CACNA1C: variants seen among roughly 807,000 people sequenced by gnomAD.
The protein encoded by CACNA1C is voltage-dependent L-type calcium channel subunit alpha-1C.
A neutral mutation model predicts 229.0 loss-of-function variants in CACNA1C; 30 were observed. That is an observed-to-expected ratio of 0.13 (90% CI 0.10 to 0.18). The LOEUF (loss-of-function observed/expected upper bound fraction) is 0.18. Among genes scored for constraint, CACNA1C ranks in the 10% least tolerant of loss-of-function variants. The pLI is 1.00. For missense variants in CACNA1C, 1,658 were observed against 2,845.0 expected (o/e 0.58, Z 9.49); for synonymous variants, 1,114 against 1,132.5 (o/e 0.98, Z 0.33).
chr12:2,305,231 C>T (rs1032697076), intron 3 of CACNA1C, among the ~76,000 whole-genome samples: 3 of 152,228 alleles, frequency 2.0e-5, no homozygotes, highest in Non-Finnish European at 4.4e-5. Context: ...GGTCTAGGAA[C>T]ATAGAATTTA....
intron 3 of CACNA1C, among the ~76,000 whole-genome samples, chr12:2,307,544 G>A (rs1010902333): frequency 6.6e-6 from 1 of 152,108 alleles, no homozygotes; most frequent in African/African-American, 2.4e-5. Context: ...TTTAACTATG[G>A]TTCTTAAATG....
rs149506879 is a variant in CACNA1C, at chr12:2,077,128, T to C, written c.49+23517T>C. On this transcript the variant is annotated intron_variant, in intron 1 of 46. Coordinates refer to ENST00000399655, the MANE Select transcript of CACNA1C (RefSeq NM_000719.7). ...GGAAATTTAATTTAGGTACAGCTAA[T>C]AGCTGCATGTGTGAGTATGTGTGTG... is the stretch of plus-strand genomic sequence containing the variant. 5.9e-5 allele frequency among the ~76,000 whole-genome samples: 9 copies of C among 152,400 alleles called. No homozygotes were observed. In the East Asian group the frequency reaches 1.7e-3, roughly 29 times the overall value.
chr12:2,196,763 C>T (rs2097417359), intron 3 of CACNA1C, among the ~76,000 whole-genome samples: 1 of 152,170 alleles, frequency 6.6e-6, no homozygotes. Flanking sequence ...AGCAAGAGGT[C>T]ACTGGGTGTC....
intron 3 of CACNA1C, among the ~76,000 whole-genome samples, chr12:2,249,234 C>A (rs190484450): frequency 1.3e-5 from 2 of 152,168 alleles, no homozygotes; most frequent in Admixed American, 1.3e-4. Flanking sequence ...GTATACTTCA[C>A]TGGGTCATGG....
chr12:2,186,537 A>G (rs934583105), intron 3 of CACNA1C, among the ~76,000 whole-genome samples: 3 of 151,826 alleles, frequency 2.0e-5, no homozygotes, highest in East Asian at 1.9e-4. Flanking sequence ...GAGACTAAAA[A>G]CCCTGGGGGT....
intron 5 of CACNA1C, among the ~76,000 whole-genome samples, chr12:2,485,070 G>A (rs1158911849): frequency 6.6e-6 from 1 of 152,114 alleles, no homozygotes; most frequent in Non-Finnish European, 1.5e-5. Context: ...AAGCGCGGTG[G>A]ATGAATGTGA....
chr12:2,208,456 C>A (rs2097822334), intron 3 of CACNA1C, among the ~76,000 whole-genome samples: 1 of 152,186 alleles, frequency 6.6e-6, no homozygotes, highest in African/African-American at 2.4e-5. Context: ...ATGTTATTAA[C>A]ACCTGGCACT....
At chr12:2,409,668 G>A (rs532644537) in intron 3 of CACNA1C, among the ~76,000 whole-genome samples, 2 of 152,280 alleles carry the variant, frequency 1.3e-5, no homozygotes, top group South Asian at 2.1e-4. Context: ...CCTTGATTGC[G>A]GGTCCTCTTT....
At chr12:2,120,574 GT>G in intron 3 of CACNA1C, 144 bp downstream of exon 3, 1 of 675,222 alleles carries the variant, frequency 1.5e-6, no homozygotes, top group South Asian at 1.7e-5. Context: ...CCCGAGTGCT[GT>G]TTTACTCTTT....
At chr12:2,587,622 G>A (rs546205991) in intron 18 of CACNA1C, among the ~76,000 whole-genome samples, 4 of 152,278 alleles carry the variant, frequency 2.6e-5, no homozygotes, top group Non-Finnish European at 4.4e-5. Flanking sequence ...AAGGGCTAAT[G>A]AGGATTTTGT....
intron 11 of CACNA1C, among the ~76,000 whole-genome samples, chr12:2,564,942 C>T (rs901250483): frequency 1.8e-4 from 28 of 152,252 alleles, no homozygotes; most frequent in African/African-American, 6.7e-4. Context: ...ATGGCCCCTG[C>T]AGTCTCCTCC....
At position 2,012,681 on chromosome 12, in the gene CACNA1C, GA is replaced by G. The variant is rs539752935; in HGVS notation, c.139+41486del. 2.4e-4 allele frequency among the ~76,000 whole-genome samples: 36 copies of G among 152,310 alleles called. No homozygotes were observed. The South Asian group carries it at 6.8e-3, about 29-fold the overall frequency. ...TGAGGAGACAAAGACTAGCATACAT[GA>G]AAAAATGTGAACAGTAAAATACAGT... On this transcript the variant is annotated intron_variant, in intron 1 of 46. Coordinates refer to the CACNA1C transcript ENST00000682462.
intron 1 of CACNA1C, among the ~76,000 whole-genome samples, chr12:2,061,545 G>A (rs971180976): frequency 2.3e-5 from 1 of 44,044 alleles, no homozygotes; most frequent in Non-Finnish European, 3.6e-5. Flanking sequence ...CATGTGCACT[G>A]CTGGCACTGC....
At position 2,593,254 on chromosome 12, in the gene CACNA1C, C is replaced by G; in HGVS notation, c.2572C>G (p.Arg858Gly). ...EEEPEMPVGP[R>G]PRPLSELHLK... ...GGAGCCAGAGATGCCTGTCGGCCCT[C>G]GCCCACGACCACTCTCTGAGCTTCA... The change falls in exon 19 of 47, where the codon CGC becomes GGC. Residue 858 changes from arginine to glycine, a missense_variant. This residue lies in a region of CACNA1C where 121 missense variants were observed against 128.8 expected (regional missense o/e 0.94). Coordinates refer to ENST00000399655, the MANE Select transcript of CACNA1C (RefSeq NM_000719.7). 1 of 1,613,740 alleles carries G rather than the reference C, an allele frequency of 6.2e-7. No individual in the cohort carries two copies. Among genetic ancestry groups the G allele is most frequent in the Non-Finnish European group, 8.5e-7 (1 of 1,179,794 alleles).
chr12:2,634,484 A>ATT (rs59658684), intron 30 of CACNA1C, 104 bp downstream of exon 30: 747 of 322,652 alleles, frequency 2.3e-3, no homozygotes, highest in Middle Eastern at 3.5e-3. Context: ...CCACCTTCTT[A>ATT]TTTTTTTTTT....
In CACNA1C at chr12:2,285,635, T is replaced by G. The variant is rs2092533304; in HGVS notation, c.478-163341T>G. ...GCTGGAATCACTCAAAGCAGAGTGA[T>G]GGACGAGACTTACTTTCGACGTTCC... On this transcript the variant is annotated intron_variant, in intron 3 of 46. Transcript: ENST00000399655. The surrounding 1 kb of genome is among the most constrained non-coding windows in gnomAD (Gnocchi z 4.2). Among the ~76,000 whole-genome samples the G allele has an allele frequency of 6.6e-6, 1 of 152,186 alleles. No individual in the cohort carries two copies. The highest frequency in any genetic ancestry group is 2.4e-5 in the African/African-American group (1 of 41,440).
chr12:2,368,393 A>G (rs1235618013), intron 3 of CACNA1C, among the ~76,000 whole-genome samples: 4 of 152,210 alleles, frequency 2.6e-5, no homozygotes, highest in Non-Finnish European at 5.9e-5. Context: ...AATCTAACTG[A>G]AAATAGTTAG....
chr12:2,648,544 G>T (rs139691733), intron 31 of CACNA1C, 37 bp downstream of exon 31: 1 of 1,605,530 alleles, frequency 6.2e-7, no homozygotes, highest in Non-Finnish European at 8.5e-7. Flanking sequence ...CCCGGCTTCC[G>T]TGTCCCCCTC....
At chr12:2,197,782 A>T (rs2154310883) in intron 3 of CACNA1C, among the ~76,000 whole-genome samples, 1 of 152,336 alleles carries the variant, frequency 6.6e-6, no homozygotes, top group South Asian at 2.1e-4. Flanking sequence ...AACTGAAATT[A>T]ATTTTACTAA....
Sources: allele counts gnomAD v4.1 joint callset (sites outside exome capture counted in the v4.1 genomes callset), GRCh38; gene constraint gnomAD v4.1.1; regional missense constraint gnomAD v4.1.1; non-coding constraint Gnocchi (gnomAD v3.1); transcripts MANE v1.5; gene names NCBI Gene and HGNC (gene_info 2026-07-23, HGNC 2026-07-21).